TNFAIP8: variants seen among roughly 807,000 people sequenced by gnomAD.
TNFAIP8 encodes tumor necrosis factor alpha-induced protein 8.
In TNFAIP8, 7 loss-of-function variants were observed where a neutral mutation model predicts 13.3. That is an observed-to-expected ratio of 0.52 (90% CI 0.30 to 0.99). The LOEUF is 0.99. TNFAIP8 is among the 50% of genes least tolerant of loss of function. The pLI is 0.07. For synonymous variants in TNFAIP8, 94 were observed against 87.6 expected, an observed-to-expected ratio of 1.07 and a Z score of -0.41; for missense variants, 258 against 236.9, an observed-to-expected ratio of 1.09 and a Z score of -0.58.
intron 1 of TNFAIP8, among the ~76,000 whole-genome samples, chr5:119,298,433 C>T (rs1194909460): frequency 6.6e-6 from 1 of 151,296 alleles, no homozygotes; most frequent in Non-Finnish European, 1.5e-5. Flanking sequence ...TGAATATTGG[C>T]CCCCACTCTC....
At chr5:119,300,683 C>G (rs1043229945) in intron 1 of TNFAIP8, among the ~76,000 whole-genome samples, 1 of 152,148 alleles carries the variant, frequency 6.6e-6, no homozygotes, top group Admixed American at 6.5e-5. Flanking sequence ...CACAGAGAAA[C>G]TGAATAACTT....
chr5:119,373,952 A>G (rs1242300107), intron 1 of TNFAIP8, among the ~76,000 whole-genome samples: 1 of 152,130 alleles, frequency 6.6e-6, no homozygotes, highest in Non-Finnish European at 1.5e-5. Context: ...GCTAGAAACT[A>G]ATAGTATTGG....
chr5:119,340,567 T>C (rs1323834469), intron 1 of TNFAIP8, among the ~76,000 whole-genome samples: 2 of 152,158 alleles, frequency 1.3e-5, no homozygotes, highest in African/African-American at 4.8e-5. Context: ...GTTTGAGGAA[T>C]GGGGAGATTG....
chr5:119,389,483 A>T (rs1167890192), intron 1 of TNFAIP8, among the ~76,000 whole-genome samples: 1 of 152,180 alleles, frequency 6.6e-6, no homozygotes, highest in Non-Finnish European at 1.5e-5. Flanking sequence ...CTTTTAAGGG[A>T]TCTGGTAGAG....
chr5:119,339,457 GT>G (rs397884992), intron 1 of TNFAIP8, among the ~76,000 whole-genome samples: 8,631 of 116,196 alleles, frequency 0.074, 287 homozygotes, highest in African/African-American at 0.098. Flanking sequence ...CTCTTGTGGT[GT>G]TTTTTTTTTT....
rs186509807 is a variant in TNFAIP8 at position 119,383,342 on chromosome 5, A to G, written c.32-9474A>G. On this transcript the variant is annotated intron_variant, in intron 1 of 1. Transcript: ENST00000504771. ...TGTAATTACTAACAGCACTGTTTCC[A>G]AAAGTATTCCCTTTGGATGATAAAT... 1.9e-4 allele frequency among the ~76,000 whole-genome samples: 29 copies of G among 152,344 alleles called. No homozygotes were observed. In the East Asian group the frequency reaches 5.2e-3, roughly 27 times the overall value.
chr5:119,311,546 CTGG>C (rs1206223180), intron 1 of TNFAIP8, among the ~76,000 whole-genome samples: 1 of 151,810 alleles, frequency 6.6e-6, no homozygotes, highest in African/African-American at 2.4e-5. Context: ...AAAAAATTAA[CTGG>C]GTGTGGTGGC....
At chr5:119,324,269 C>G (rs1750145919) in intron 1 of TNFAIP8, among the ~76,000 whole-genome samples, 1 of 89,352 alleles carries the variant, frequency 1.1e-5, no homozygotes, top group African/African-American at 4.3e-5. Context: ...AGCAAGACGC[C>G]ATCTCAAAAA....
intron 1 of TNFAIP8, among the ~76,000 whole-genome samples, chr5:119,305,499 G>A (rs905023380): frequency 2.6e-5 from 4 of 152,134 alleles, no homozygotes; most frequent in Admixed American, 2.6e-4. Flanking sequence ...GAAGGCTGAG[G>A]CAGGAGGATC....
At chr5:119,318,480 G>C in intron 1 of TNFAIP8, among the ~76,000 whole-genome samples, 1 of 151,906 alleles carries the variant, frequency 6.6e-6, no homozygotes, top group East Asian at 1.9e-4. Flanking sequence ...TATTTTTGTA[G>C]AGACGGGGTT....
At chr5:119,284,370 G>T (rs1157842136) in intron 1 of TNFAIP8, among the ~76,000 whole-genome samples, 2 of 151,996 alleles carry the variant, frequency 1.3e-5, no homozygotes, top group Non-Finnish European at 2.9e-5. Flanking sequence ...AAAATCTTTT[G>T]AACAGATTTT....
intron 1 of TNFAIP8, among the ~76,000 whole-genome samples, chr5:119,280,977 G>A (rs1299200766): frequency 6.6e-6 from 1 of 151,904 alleles, no homozygotes; most frequent in Non-Finnish European, 1.5e-5. Context: ...TGAAATTTTA[G>A]TTTTTACTGA....
chr5:119,286,892 G>A (rs192669039), intron 1 of TNFAIP8, among the ~76,000 whole-genome samples: 33 of 152,260 alleles, frequency 2.2e-4, no homozygotes, highest in African/African-American at 6.3e-4. Flanking sequence ...ATATTTGCTC[G>A]CTTGCCCCAT....
intron 1 of TNFAIP8, among the ~76,000 whole-genome samples, chr5:119,375,320 GA>G (rs1168790863): frequency 1.3e-5 from 2 of 152,208 alleles, no homozygotes; most frequent in Admixed American, 6.5e-5. Context: ...ACCCATGATA[GA>G]AATGGTGAGA....
In TNFAIP8 at chr5:119,394,331, C is replaced by G. The variant is rs746247965; in HGVS notation, c.*950C>G. On this transcript the variant is annotated 3_prime_UTR_variant, in exon 2 of 2. Transcript: ENST00000504771. ...GCTAAAGAACATGAGCATAAAAATG[C>G]GTGCGTTTCAGTGTTTAAGAAGGCT... 1 of 152,054 alleles carries G rather than the reference C, an allele frequency of 6.6e-6. No individual in the cohort carries two copies. Among genetic ancestry groups the G allele is most frequent in the East Asian group, 1.9e-4 (1 of 5,194 alleles). 9.4% of individuals were successfully genotyped at this position (152,054 alleles called of 1,614,324 possible). A position where few individuals can be genotyped will look rare whatever the true frequency, so the allele number is the denominator to read the frequency against.
At chr5:119,351,195 T>C (rs924482386), upstream of TNFAIP8, among the ~76,000 whole-genome samples, 1 of 152,108 alleles carries the variant, frequency 6.6e-6, no homozygotes, top group African/African-American at 2.4e-5. Context: ...GTTAACCTTT[T>C]AAAAATTTTT....
rs1005226010 is a variant in TNFAIP8 at position 119,394,455 on chromosome 5, G to T, written c.*1074G>T. ...AATATTTGTATTTCAAGCAGTTTGT[G>T]TGGTGTTTCTATATAATTTTCTGTG... is the stretch of plus-strand genomic sequence containing the variant. On this transcript the variant is annotated 3_prime_UTR_variant, in exon 2 of 2. Transcript: ENST00000504771. 1 of 152,066 alleles carries T rather than the reference G, an allele frequency of 6.6e-6. No homozygotes were observed. Among genetic ancestry groups the T allele is most frequent in the Admixed American group, 6.5e-5 (1 of 15,270 alleles). 9.4% of individuals were successfully genotyped at this position (152,066 alleles called of 1,614,324 possible).
Position 119,394,191 on chromosome 5 carries a change from C to T in TNFAIP8, c.*810C>T, listed in dbSNP as rs1198316169. On this transcript the variant is annotated 3_prime_UTR_variant, in exon 2 of 2. Transcript: ENST00000504771. ...AAGAGACAAAAAAGTCTAGATTGGT[C>T]TTGATATTGAGATAATAAAAAGTAA... is the stretch of plus-strand genomic sequence containing the variant. 6.6e-6 allele frequency: 1 copy of T among 151,984 alleles called. No homozygotes were observed. Among genetic ancestry groups the T allele is most frequent in the Admixed American group, 6.6e-5 (1 of 15,260 alleles). 9.4% of individuals were successfully genotyped at this position (151,984 alleles called of 1,614,324 possible). A position where few individuals can be genotyped will look rare whatever the true frequency, so the allele number is the denominator to read the frequency against.
intron 1 of TNFAIP8, among the ~76,000 whole-genome samples, chr5:119,321,954 AG>A (rs966899514): frequency 1.3e-5 from 2 of 152,070 alleles, no homozygotes; most frequent in African/African-American, 4.8e-5. Context: ...TGCCTCAGTC[AG>A]GCCACACTGA....
Sources: allele counts gnomAD v4.1 joint callset (sites outside exome capture counted in the v4.1 genomes callset), GRCh38; gene constraint gnomAD v4.1.1; transcripts MANE v1.5; gene names NCBI Gene and HGNC (gene_info 2026-07-23, HGNC 2026-07-21).